ACSL3: variants seen among roughly 807,000 people sequenced by gnomAD.
The protein encoded by ACSL3 is acyl-CoA synthetase long chain family member 3, also known as fatty acid CoA ligase Acsl3.
ACSL3 carries 34 observed loss-of-function variants against 84.7 expected under a neutral mutation model. The observed-to-expected ratio is 0.40, with a 90% CI of 0.31 to 0.53. ACSL3 has a LOEUF of 0.53. Among genes scored for constraint, ACSL3 ranks in the 20% least tolerant of loss-of-function variants. The probability of loss-of-function intolerance (pLI) is 0.48; values close to 1 mark genes in which losing one functional copy is unlikely to be tolerated. For missense variants in ACSL3, 680 were observed against 873.1 expected (o/e 0.78, Z 2.79); for synonymous variants, 315 against 299.4 (o/e 1.05, Z -0.54).
chr2:222,931,728 C>T lies in ACSL3; in HGVS notation c.1732+916C>T, dbSNP rs16864233. Among the ~76,000 whole-genome samples the T allele has an allele frequency of 7.7e-3, 1,176 of 152,316 alleles. 12 individuals are homozygous for T. Among genetic ancestry groups the T allele is most frequent in the African/African-American group, 0.027 (1,119 of 41,556 alleles). On this transcript the variant is annotated intron_variant, in intron 14 of 16. Transcript: ENST00000357430. ...CTTACTGGCCACAACCATTTAATGTCTCCTAGAAGCTCAGTTCAGGGTGCC... is the reference window on the plus strand; with the variant it reads ...CTTACTGGCCACAACCATTTAATGTTTCCTAGAAGCTCAGTTCAGGGTGCC...
chr2:222,861,971 A>G (rs1695026539), intron 1 of ACSL3, among the ~76,000 whole-genome samples: 1 of 152,302 alleles, frequency 6.6e-6, no homozygotes, highest in East Asian at 1.9e-4. Context: ...CCCGAGGCAC[A>G]GGTTTTCAAA....
At chr2:222,926,365 A>G (rs1005973456) in intron 11 of ACSL3, among the ~76,000 whole-genome samples, 11 of 152,172 alleles carry the variant, frequency 7.2e-5, no homozygotes, top group African/African-American at 2.7e-4. Flanking sequence ...TACCATTTTT[A>G]AAAAATTGTC....
chr2:222,936,560 T>C (rs1282548712), intron 16 of ACSL3, among the ~76,000 whole-genome samples: 1 of 152,042 alleles, frequency 6.6e-6, no homozygotes, highest in Admixed American at 6.6e-5. Context: ...CTGCAGAAAA[T>C]TGTCGATTCA....
chr2:222,913,276 C>T (rs983362338), intron 4 of ACSL3, among the ~76,000 whole-genome samples: 10 of 152,054 alleles, frequency 6.6e-5, no homozygotes, highest in South Asian at 2.1e-4. Flanking sequence ...TTCTTAATGC[C>T]GTCTTTTGTG....
chr2:222,943,220 T>C lies in ACSL3; in HGVS notation c.*1566T>C, dbSNP rs1185288481. 1 of 216,276 alleles carries C rather than the reference T, an allele frequency of 4.6e-6. No individual in the cohort carries two copies. The highest frequency in any genetic ancestry group is 9.1e-6 in the Non-Finnish European group (1 of 109,750). 13.4% of individuals were successfully genotyped at this position (216,276 alleles called of 1,614,324 possible). A position where few individuals can be genotyped will look rare whatever the true frequency, so the allele number is the denominator to read the frequency against. The stretch of plus-strand genomic sequence containing the variant: ...AACATCGTATGTGGAGACATTGCAA[T>C]ACAGTGTTTTTTGTTTTCAACTTTT... On this transcript the variant is annotated 3_prime_UTR_variant, in exon 17 of 17. Transcript: ENST00000357430.
Position 222,909,049 on chromosome 2 carries a change from A to C in ACSL3, c.277A>C (p.Thr93Pro). The stretch of plus-strand genomic sequence containing the variant: ...ATGTGATACTTTAGATAAAGTTTTT[A>C]CATATGCAAAAAACAAATTTAAGAA... ...PGCDTLDKVF[T>P]YAKNKFKNKR... Residue 93 changes from threonine to proline, a missense_variant, in exon 4 of 17, where the codon ACA becomes CCA. Transcript: ENST00000357430. 2 of 1,612,614 alleles carry C rather than the reference A, an allele frequency of 1.2e-6. No individual in the cohort carries two copies. The highest frequency in any genetic ancestry group is 2.2e-5 in the South Asian group (2 of 90,456).
intron 16 of ACSL3, among the ~76,000 whole-genome samples, chr2:222,936,268 C>A (rs1418521803): frequency 6.6e-6 from 1 of 151,960 alleles, no homozygotes; most frequent in African/African-American, 2.4e-5. Context: ...TGGATATATA[C>A]CCAGAAATGA....
rs1348042940 is a variant in ACSL3 at position 222,911,888 on chromosome 2, T to A, written c.378+2738T>A. Reference sequence around the variant, plus strand: ...TATGAAGTATTTGAACTCATAAAAGTTAGGTGAGACAGACTGTTTTTTAGC... The same window carrying A: ...TATGAAGTATTTGAACTCATAAAAGATAGGTGAGACAGACTGTTTTTTAGC... On this transcript the variant is annotated intron_variant, in intron 4 of 16. Coordinates refer to ENST00000357430, the MANE Select transcript of ACSL3 (RefSeq NM_004457.5). 3.3e-5 allele frequency among the ~76,000 whole-genome samples: 5 copies of A among 152,210 alleles called. 1 individual carries two copies. The highest frequency in any genetic ancestry group is 1.2e-4 in the African/African-American group (5 of 41,448).
chr2:222,908,007 C>T (rs926609895), intron 3 of ACSL3, among the ~76,000 whole-genome samples: 1 of 152,146 alleles, frequency 6.6e-6, no homozygotes, highest in Non-Finnish European at 1.5e-5. Context: ...GCATGCATAC[C>T]TACATATTTG....
chr2:222,924,282 A>G (rs1018185045), intron 10 of ACSL3, among the ~76,000 whole-genome samples, 174 bp from the exon 11 acceptor site: 3 of 152,234 alleles, frequency 2.0e-5, no homozygotes, highest in Non-Finnish European at 4.4e-5. Flanking sequence ...GATAGGATAC[A>G]TCTTTTTGAA....
At chr2:222,940,341 A>C (rs941326092) in intron 16 of ACSL3, among the ~76,000 whole-genome samples, 1 of 152,218 alleles carries the variant, frequency 6.6e-6, no homozygotes, top group African/African-American at 2.4e-5. Flanking sequence ...ATAGGCATAA[A>C]GGAAAAGGTG....
chr2:222,917,990 T>A (rs1574553814), intron 5 of ACSL3, 56 bp from the exon 6 acceptor site: 1 of 1,271,498 alleles, frequency 7.9e-7, no homozygotes. Context: ...ATTCAGAGAC[T>A]TTACATTTGT....
intron 1 of ACSL3, among the ~76,000 whole-genome samples, chr2:222,880,840 A>C (rs934639035): frequency 6.6e-6 from 1 of 151,484 alleles, no homozygotes; most frequent in Non-Finnish European, 1.5e-5. Context: ...CCAAAAAAAA[A>C]AAAAACAAAA....
intron 5 of ACSL3, 50 bp downstream of exon 5, chr2:222,916,546 T>C (rs367565967): frequency 9.0e-5 from 134 of 1,490,072 alleles, no homozygotes; most frequent in Non-Finnish European, 1.1e-4. Flanking sequence ...CTGATATTTA[T>C]TGAAATACTT....
intron 4 of ACSL3, among the ~76,000 whole-genome samples, chr2:222,912,185 G>T (rs1696460046): frequency 6.6e-6 from 1 of 152,238 alleles, no homozygotes; most frequent in Non-Finnish European, 1.5e-5. Context: ...TACTCAAGAA[G>T]AAAGTGTGCA....
At chr2:222,933,109 A>G (rs1697071780) in intron 14 of ACSL3, 57 bp from the exon 15 acceptor site, 1 of 1,048,048 alleles carries the variant, frequency 9.5e-7, no homozygotes, top group South Asian at 1.4e-5. Context: ...TATGTATTAA[A>G]TGTTACTAAT....
intron 1 of ACSL3, among the ~76,000 whole-genome samples, chr2:222,885,329 G>A (rs923628248): frequency 2.6e-5 from 4 of 152,108 alleles, no homozygotes; most frequent in East Asian, 1.9e-4. Context: ...CTGTACTTCC[G>A]TAAGAGTGCC....
intron 3 of ACSL3, among the ~76,000 whole-genome samples, chr2:222,907,216 G>A (rs1696315697): frequency 6.6e-6 from 1 of 152,230 alleles, no homozygotes; most frequent in Non-Finnish European, 1.5e-5. Flanking sequence ...AAGATGATCT[G>A]TGCTTGGTGT....
chr2:222,918,244 C>T (rs1241716729), intron 6 of ACSL3, 89 bp downstream of exon 6: 2 of 699,646 alleles, frequency 2.9e-6, no homozygotes, highest in Admixed American at 2.8e-5. Flanking sequence ...TCTTTTATGA[C>T]TTTTAAGTCC....
Sources: gnomAD v4.1 joint callset for allele counts (sites outside exome capture counted in the v4.1 genomes callset) on GRCh38, gnomAD v4.1.1 for gene constraint, MANE v1.5 for transcripts, NCBI Gene and HGNC (gene_info 2026-07-23, HGNC 2026-07-21) for gene names.